Variants in PTPRB observed in about 807,000 individuals in gnomAD.
PTPRB encodes the protein receptor-type tyrosine-protein phosphatase beta.
In PTPRB, 97 loss-of-function variants were observed where a neutral mutation model predicts 238.1. The observed-to-expected ratio is 0.41, with a 90% CI of 0.35 to 0.48. PTPRB has a LOEUF of 0.48. Ranked by LOEUF, PTPRB falls within the 20% of genes least tolerant of loss-of-function variation. The pLI, the probability that PTPRB is intolerant of heterozygous loss-of-function variation, is 0.30. For missense variants in PTPRB, 2,292 were observed against 2,681.9 expected (o/e 0.85, Z 3.21); for synonymous variants, 970 against 995.4 (o/e 0.97, Z 0.48).
intron 8 of PTPRB, 44 bp downstream of exon 8, chr12:70,589,920 C>A (rs767292385): frequency 9.5e-6 from 15 of 1,573,526 alleles, no homozygotes; most frequent in Non-Finnish European, 1.3e-5. Context: ...GGAGAGGGAA[C>A]AAATTACTCT....
At position 70,524,372 on chromosome 12, in the gene PTPRB, C is replaced by T. The variant is rs995813982; in HGVS notation, c.6625+99G>A. The T allele has an allele frequency of 1.3e-5, 17 of 1,321,714 alleles. 1 individual carries two copies. The highest frequency in any genetic ancestry group is 1.6e-5 in the Non-Finnish European group (16 of 984,082). 81.9% of individuals were successfully genotyped at this position (1,321,714 alleles called of 1,614,324 possible). On this transcript the variant is annotated intron_variant, in intron 33 of 33. Transcript: ENST00000334414. ...TCAAGTGATCCTCCTGCCTCAGCCT[C>T]CCAAAGTGCTGGGATTACAGGTGTA...
chr12:70,549,058 ATTGTAAGC>A (rs1876500324), intron 21 of PTPRB, among the ~76,000 whole-genome samples: 1 of 152,182 alleles, frequency 6.6e-6, no homozygotes, highest in Non-Finnish European at 1.5e-5. Context: ...CTGTCTCCAC[ATTGTAAGC>A]TTCTTGAAGG....
chr12:70,570,281 G>GA (rs1171012181), intron 13 of PTPRB, among the ~76,000 whole-genome samples: 1 of 152,122 alleles, frequency 6.6e-6, no homozygotes, highest in Non-Finnish European at 1.5e-5. Context: ...TCTTCATTAG[G>GA]AAAAATGGCA....
At chr12:70,586,726 G>T (rs1881950165) in intron 9 of PTPRB, among the ~76,000 whole-genome samples, 1 of 152,134 alleles carries the variant, frequency 6.6e-6, no homozygotes, top group Non-Finnish European at 1.5e-5. Context: ...TCTTCTAGAT[G>T]CTGCCCTATT....
At chr12:70,607,982 G>GA (rs35797701) in intron 4 of PTPRB, among the ~76,000 whole-genome samples, 11 of 149,800 alleles carry the variant, frequency 7.3e-5, no homozygotes, top group Admixed American at 2.0e-4. Context: ...TTTTTTCTTT[G>GA]AAAAAAAAAG....
intron 15 of PTPRB, among the ~76,000 whole-genome samples, chr12:70,565,466 C>T (rs1363157163): frequency 6.6e-6 from 1 of 152,202 alleles, no homozygotes; most frequent in Non-Finnish European, 1.5e-5. Flanking sequence ...ATTTCTTCAT[C>T]CTTCAAGGCA....
At chr12:70,573,004 A>G (rs570312589) in intron 11 of PTPRB, among the ~76,000 whole-genome samples, 3 of 151,986 alleles carry the variant, frequency 2.0e-5, no homozygotes, top group Non-Finnish European at 4.4e-5. Context: ...TAATGAATAC[A>G]TACATATACA....
intron 10 of PTPRB, among the ~76,000 whole-genome samples, chr12:70,580,636 G>C (rs949320563): frequency 6.6e-6 from 1 of 151,814 alleles, no homozygotes; most frequent in African/African-American, 2.4e-5. Context: ...CCTGACCAAC[G>C]TGGAGAAACC....
chr12:70,532,434 G>A lies in PTPRB; in HGVS notation c.6369-264C>T, dbSNP rs569566688. Among the ~76,000 whole-genome samples, 12 of 146,352 alleles carry A rather than the reference G, an allele frequency of 8.2e-5. No homozygotes were observed. In the South Asian group the frequency reaches 2.0e-3, roughly 24 times the overall value. On this transcript the variant is annotated intron_variant, in intron 31 of 33. Transcript: ENST00000334414. ...TGCACTTACTGTGTATCATTTCCAC[G>A]CATGTTTTTAATACTTTTCCTACAT...
At chr12:70,617,834 C>T (rs1435678592) in intron 3 of PTPRB, among the ~76,000 whole-genome samples, 2 of 151,690 alleles carry the variant, frequency 1.3e-5, no homozygotes, top group Non-Finnish European at 2.9e-5. Context: ...TGCAATCCTT[C>T]TCCCAGGCCG....
At chr12:70,585,490 A>G (rs1478813172) in intron 9 of PTPRB, among the ~76,000 whole-genome samples, 1 of 151,964 alleles carries the variant, frequency 6.6e-6, no homozygotes, top group Non-Finnish European at 1.5e-5. Context: ...GGTTTCCCCC[A>G]TGCTGTTCTT....
In PTPRB at chr12:70,518,635, CA is replaced by C. The variant is rs1871373563; in HGVS notation, c.*2853del. The C allele has an allele frequency of 6.6e-6, 1 of 152,016 alleles. No individual in the cohort carries two copies. The highest frequency in any genetic ancestry group is 1.5e-5 in the Non-Finnish European group (1 of 68,002). The allele number at this position is 152,016 out of a possible 1,614,324, so 9.4% of individuals were successfully genotyped here. On this transcript the variant is annotated 3_prime_UTR_variant, in exon 34 of 34. Coordinates refer to ENST00000334414, the MANE Select transcript of PTPRB (RefSeq NM_001109754.4). ...TTAAGGGATAGAGAATTACTTAGGA[CA>C]AATATGTGCAAGCCCAGGTAAGAGA...
At position 70,550,368 on chromosome 12, in the gene PTPRB, C is replaced by T. The variant is rs546752646; in HGVS notation, c.5387+2409G>A. 2.7e-4 allele frequency among the ~76,000 whole-genome samples: 41 copies of T among 152,234 alleles called. No homozygotes were observed. The South Asian group carries it at 8.3e-3, about 31-fold the overall frequency. On this transcript the variant is annotated intron_variant, in intron 21 of 33. Coordinates refer to ENST00000334414, the MANE Select transcript of PTPRB (RefSeq NM_001109754.4). ...GAGCAGTGGGTACTTGGAGCAAATACGATTGGAGACAAGGCTGGTGAGGCA... is the reference window on the plus strand; with the variant it reads ...GAGCAGTGGGTACTTGGAGCAAATATGATTGGAGACAAGGCTGGTGAGGCA...
chr12:70,538,101 G>T, intron 28 of PTPRB, 54 bp downstream of exon 28: 2 of 1,446,014 alleles, frequency 1.4e-6, no homozygotes, highest in Admixed American at 3.9e-5. Flanking sequence ...CATCTCCAGT[G>T]TAGCCACCCA....
chr12:70,633,206 C>T (rs537295387), intron 2 of PTPRB, among the ~76,000 whole-genome samples: 13 of 152,252 alleles, frequency 8.5e-5, no homozygotes, highest in African/African-American at 2.9e-4. Context: ...GAATGCATTT[C>T]GGTTAATTTT....
chr12:70,539,876 G>C (rs781082444), intron 24 of PTPRB, 32 bp from the exon 25 acceptor site: 1 of 1,576,474 alleles, frequency 6.3e-7, no homozygotes, highest in Non-Finnish European at 8.7e-7. Flanking sequence ...GGAAGACTTT[G>C]TTAGCAAATT....
rs570721444 is a variant in PTPRB, at chr12:70,624,519, T to A, written c.452-1873A>T. 2.0e-5 allele frequency among the ~76,000 whole-genome samples: 3 copies of A among 152,310 alleles called. No homozygotes were observed. The East Asian group carries it at 5.8e-4, about 29-fold the overall frequency. ...AAACTCAATTATACTATTAGCGAGA[T>A]TCCTTTACAACAAACTCCAGGAAAC... On this transcript the variant is annotated intron_variant, in intron 2 of 33. Transcript: ENST00000334414.
In PTPRB at chr12:70,565,097, A is replaced by T. The variant is rs547175857; in HGVS notation, c.3904+1338T>A. Among the ~76,000 whole-genome samples, 7 of 152,232 alleles carry T rather than the reference A, an allele frequency of 4.6e-5. No homozygotes were observed. The East Asian group carries it at 1.4e-3, about 29-fold the overall frequency. On this transcript the variant is annotated intron_variant, in intron 15 of 33. Coordinates refer to ENST00000334414, the MANE Select transcript of PTPRB (RefSeq NM_001109754.4). ...ATATCCAGCAGTTAGAACAGTGCCT[A>T]GCCTATAGTAGGTACTCAATAATAA...
chr12:70,569,951 ATAAATT>A lies in PTPRB; in HGVS notation c.3371-19_3371-14del. 6.3e-7 allele frequency: 1 copy of A among 1,590,818 alleles called. No homozygotes were observed. Among genetic ancestry groups the A allele is most frequent in the Non-Finnish European group, 8.6e-7 (1 of 1,160,522 alleles). ...ACAGCACTAGGAACTAAAACAGAAA[ATAAATT>A]TAAAAGTCATCACTTAGAGAATGAA... On this transcript the variant is annotated splice_polypyrimidine_tract_variant and intron_variant, in intron 13 of 33. Transcript: ENST00000334414.
Sources: allele counts gnomAD v4.1 joint callset (sites outside exome capture counted in the v4.1 genomes callset), GRCh38; gene constraint gnomAD v4.1.1; transcripts MANE v1.5; gene names NCBI Gene and HGNC (gene_info 2026-07-23, HGNC 2026-07-21).